Variants in C1orf159 observed in about 807,000 individuals in gnomAD.
C1orf159 encodes the protein chromosome 1 open reading frame 159.
In C1orf159, 19 loss-of-function variants were observed where a neutral mutation model predicts 25.6. That is an observed-to-expected ratio of 0.74 (90% CI 0.52 to 1.09). The LOEUF (loss-of-function observed/expected upper bound fraction) is 1.09. C1orf159 is among the 50% of genes least tolerant of loss of function. The probability of loss-of-function intolerance (pLI) is 0.00; values close to 1 mark genes in which losing one functional copy is unlikely to be tolerated. For missense variants in C1orf159, 274 were observed against 290.6 expected (o/e 0.94, Z 0.42); for synonymous variants, 139 against 124.7 (o/e 1.12, Z -0.77).
chr1:1,086,084 CT>C, intron 6 of C1orf159, 72 bp from the exon 7 acceptor site: 1 of 1,556,000 alleles, frequency 6.4e-7, no homozygotes, highest in Non-Finnish European at 8.7e-7. Context: ...CCGGTGCCCC[CT>C]GCACATGGCA....
intron 3 of C1orf159, 56 bp downstream of exon 3, chr1:1,091,416 C>T (rs766760078): frequency 2.1e-5 from 30 of 1,419,826 alleles, no homozygotes; most frequent in African/African-American, 2.0e-4. Context: ...AAGGGCCCAC[C>T]GCCCTCCACA....
At chr1:1,099,787 A>G (rs1001178683) in intron 1 of C1orf159, among the ~76,000 whole-genome samples, 80 of 151,880 alleles carry the variant, frequency 5.3e-4, no homozygotes, top group African/African-American at 1.8e-3. Context: ...AGAATCGGAG[A>G]GAGAGGTTAA....
intron 1 of C1orf159, among the ~76,000 whole-genome samples, chr1:1,101,634 G>A (rs915981121): frequency 1.3e-5 from 2 of 151,988 alleles, no homozygotes; most frequent in Non-Finnish European, 2.9e-5. Context: ...GTCGGCTCAT[G>A]GTCTATCAAT....
rs556439622 is a variant in C1orf159, at chr1:1,088,394, G to A, written c.149-797C>T. Among the ~76,000 whole-genome samples the A allele has an allele frequency of 1.7e-4, 17 of 100,828 alleles. No individual in the cohort carries two copies. The South Asian group carries it at 6.3e-3, about 37-fold the overall frequency. 66.1% of individuals were successfully genotyped at this position (100,828 alleles called of 152,430 possible). On this transcript the variant is annotated intron_variant, in intron 4 of 9. Coordinates refer to ENST00000421241, the MANE Select transcript of C1orf159 (RefSeq NM_017891.5). ...GCCTGGAGCGGCTGCCTCGCACCCC[G>A]TGTTCCCTCATGCCGCCCAAGCAGG...
At chr1:1,088,726 C>T (rs569981533) in intron 4 of C1orf159, among the ~76,000 whole-genome samples, 23 of 152,270 alleles carry the variant, frequency 1.5e-4, no homozygotes, top group Admixed American at 1.2e-3. Flanking sequence ...GTGCGGGCCA[C>T]GGGTGGACCA....
chr1:1,090,676 G>A, intron 3 of C1orf159: 2 of 694,932 alleles, frequency 2.9e-6, no homozygotes, highest in South Asian at 3.5e-5. Context: ...GGGCCTGGAA[G>A]AGTAAACCAC....
At position 1,087,241 on chromosome 1, in the gene C1orf159, C is replaced by T. The variant is rs917393840; in HGVS notation, c.245-37G>A. ...CAGAACTGTGGGAAGCCTGTGTGCA[C>T]GGAGCCCACGGGGACACCCACGTGC... On this transcript the variant is annotated intron_variant, in intron 5 of 9. Transcript: ENST00000421241. This position sits in a 1 kb window ranked among gnomAD's most constrained non-coding sequence, Gnocchi z 8.3. 13 of 1,569,870 alleles carry T rather than the reference C, an allele frequency of 8.3e-6. No individual in the cohort carries two copies. Among genetic ancestry groups the T allele is most frequent in the Middle Eastern group, 1.7e-4 (1 of 5,904 alleles).
chr1:1,084,550 G>A, intron 7 of C1orf159, 44 bp from the exon 8 acceptor site: 3 of 1,548,382 alleles, frequency 1.9e-6, no homozygotes. Context: ...CCCAGGAGCT[G>A]CCTCAACCTC....
intron 1 of C1orf159, among the ~76,000 whole-genome samples, chr1:1,108,324 T>G (rs1380124216): frequency 8.0e-6 from 1 of 124,480 alleles, no homozygotes; most frequent in Non-Finnish European, 1.6e-5. Context: ...CCACCATGTC[T>G]CAGCAGCACC....
chr1:1,110,620 C>T lies in C1orf159; in HGVS notation c.-136+5440G>A, dbSNP rs1345427742. Among the ~76,000 whole-genome samples, 2 of 152,332 alleles carry T rather than the reference C, an allele frequency of 1.3e-5. No homozygotes were observed. Among genetic ancestry groups the T allele is most frequent in the South Asian group, 2.1e-4 (1 of 4,824 alleles). On this transcript the variant is annotated intron_variant, in intron 1 of 9. Coordinates refer to ENST00000421241, the MANE Select transcript of C1orf159 (RefSeq NM_017891.5). The surrounding 1 kb of genome is among the most constrained non-coding windows in gnomAD (Gnocchi z 4.8). ...ACTCAGCCTCTCGGCTGTGGGGACA[C>T]ACAGAACCGCTGGGACTTCCACACC...
Position 1,084,270 on chromosome 1 carries a change from C to T in C1orf159, c.502+83G>A, listed in dbSNP as rs367804448. The T allele has an allele frequency of 2.4e-5, 36 of 1,519,388 alleles. No homozygotes were observed. The African/African-American group carries it at 2.5e-4, about 11-fold the overall frequency. The allele number at this position is 1,519,388 out of a possible 1,614,324, so 94.1% of individuals were successfully genotyped here. A position where few individuals can be genotyped will look rare whatever the true frequency, so the allele number is the denominator to read the frequency against. ...GCCGAGATCCAGAGCCAGGCAAACCCGTTTGGGGACAAACCCACAGAGCAC... is the reference window on the plus strand; with the variant it reads ...GCCGAGATCCAGAGCCAGGCAAACCTGTTTGGGGACAAACCCACAGAGCAC... On this transcript the variant is annotated intron_variant, in intron 9 of 9. Coordinates refer to ENST00000421241, the MANE Select transcript of C1orf159 (RefSeq NM_017891.5).
chr1:1,096,590 C>G (rs1330028862), intron 1 of C1orf159, among the ~76,000 whole-genome samples: 1 of 152,216 alleles, frequency 6.6e-6, no homozygotes, highest in Non-Finnish European at 1.5e-5. Context: ...TAGGTAGGTT[C>G]TCCGGTAATT....
Position 1,087,664 on chromosome 1 carries a change from T to G in C1orf159, c.149-67A>C, listed in dbSNP as rs1394509385. The G allele has an allele frequency of 1.7e-6, 2 of 1,168,898 alleles. No individual in the cohort carries two copies. The highest frequency in any genetic ancestry group is 2.4e-6 in the Non-Finnish European group (2 of 823,710). 72.4% of individuals were successfully genotyped at this position (1,168,898 alleles called of 1,614,324 possible). A position where few individuals can be genotyped will look rare whatever the true frequency, so the allele number is the denominator to read the frequency against. On this transcript the variant is annotated intron_variant, in intron 4 of 9. Transcript: ENST00000421241. The surrounding 1 kb of genome is among the most constrained non-coding windows in gnomAD (Gnocchi z 8.3). The stretch of plus-strand genomic sequence containing the variant: ...CCACACCAGCTGGGTCTCCTGGGAA[T>G]GATTCTCTATTTGAGTTGGTGAGAT...
At chr1:1,114,682 C>A (rs766041361) in intron 1 of C1orf159, among the ~76,000 whole-genome samples, 1 of 152,210 alleles carries the variant, frequency 6.6e-6, no homozygotes, top group Non-Finnish European at 1.5e-5. Flanking sequence ...GTGGCCATGA[C>A]GGATCCTGGC....
At chr1:1,088,589 C>T (rs1645873655) in intron 4 of C1orf159, among the ~76,000 whole-genome samples, 1 of 151,650 alleles carries the variant, frequency 6.6e-6, no homozygotes, top group Non-Finnish European at 1.5e-5. Context: ...GCCTCATTTC[C>T]GCCCACCGGC....
chr1:1,091,952 T>G, intron 2 of C1orf159, 39 bp downstream of exon 2: 1 of 455,386 alleles, frequency 2.2e-6, no homozygotes, highest in Non-Finnish European at 4.4e-6. Context: ...TTGGGGCCTT[T>G]GGAGGCACGG....
chr1:1,110,071 T>C lies in C1orf159; in HGVS notation c.-136+5989A>G, dbSNP rs1052694746. Among the ~76,000 whole-genome samples the C allele has an allele frequency of 6.6e-6, 1 of 152,244 alleles. No homozygotes were observed. Among genetic ancestry groups the C allele is most frequent in the Non-Finnish European group, 1.5e-5 (1 of 68,030 alleles). The stretch of plus-strand genomic sequence containing the variant: ...AAACCCAAGCCTTATTCTTTAACTG[T>C]AAGGGTGTGTGACTTAACCCCGGCC... On this transcript the variant is annotated intron_variant, in intron 1 of 9. Transcript: ENST00000421241. The surrounding 1 kb of genome is among the most constrained non-coding windows in gnomAD (Gnocchi z 4.8).
At chr1:1,092,813 C>A (rs1356537107) in intron 1 of C1orf159, 2 of 152,340 alleles carry the variant, frequency 1.3e-5, no homozygotes, top group Non-Finnish European at 2.9e-5. Context: ...CCGGAGGACT[C>A]TGGAAGGTGG....
At position 1,111,617 on chromosome 1, in the gene C1orf159, C is replaced by A. The variant is rs575050851; in HGVS notation, c.-136+4443G>T. 9.9e-5 allele frequency among the ~76,000 whole-genome samples: 15 copies of A among 152,224 alleles called. No homozygotes were observed. The South Asian group carries it at 3.1e-3, about 32-fold the overall frequency. On this transcript the variant is annotated intron_variant, in intron 1 of 9. Coordinates refer to ENST00000421241, the MANE Select transcript of C1orf159 (RefSeq NM_017891.5). ...TTTAAATAAGTAACATCTTGCAAAA[C>A]AACCCTGTAAAAGCAACCACCGGCT...
Sources: allele counts gnomAD v4.1 joint callset (sites outside exome capture counted in the v4.1 genomes callset), GRCh38; gene constraint gnomAD v4.1.1; non-coding constraint Gnocchi (gnomAD v3.1); transcripts MANE v1.5; gene names NCBI Gene and HGNC (gene_info 2026-07-23, HGNC 2026-07-21).